STAP1: variants seen among roughly 807,000 people sequenced by gnomAD.
STAP1 encodes signal-transducing adaptor protein 1.
In STAP1, 30 loss-of-function variants were observed where a neutral mutation model predicts 37.8. That is an observed-to-expected ratio of 0.79 (90% CI 0.59 to 1.08). The LOEUF is 1.08. Among genes scored for constraint, STAP1 ranks in the 50% least tolerant of loss-of-function variants. The probability of loss-of-function intolerance (pLI) is 0.00; values close to 1 mark genes in which losing one functional copy is unlikely to be tolerated. For missense variants in STAP1, 357 were observed against 349.4 expected (o/e 1.02, Z -0.17); for synonymous variants, 130 against 116.0 (o/e 1.12, Z -0.78).
chr4:67,594,240 G>C (rs1728178257), intron 8 of STAP1, among the ~76,000 whole-genome samples: 1 of 152,014 alleles, frequency 6.6e-6, no homozygotes. Flanking sequence ...TCTGCATTGG[G>C]GCATATCTGG....
chr4:67,558,839 C>G lies in STAP1; in HGVS notation c.30C>G (p.Ala10=). 1 of 1,613,396 alleles carries G rather than the reference C, an allele frequency of 6.2e-7. No homozygotes were observed. The stretch of plus-strand genomic sequence containing the variant: ...TGGCTAAGAAGCCCCCAAAACCAGC[C>G]CCTCGCAGGATCTTCCAGGAAAGGT... MMAKKPPKP[A]PRRIFQERLK... Residue 10 remains alanine, a synonymous_variant, in exon 1 of 9, where the codon GCC becomes GCG. Coordinates refer to ENST00000265404, the MANE Select transcript of STAP1 (RefSeq NM_012108.4).
At chr4:67,579,813 C>A (rs1387277721) in intron 4 of STAP1, among the ~76,000 whole-genome samples, 1 of 152,168 alleles carries the variant, frequency 6.6e-6, no homozygotes, top group Non-Finnish European at 1.5e-5. Flanking sequence ...TTAACATGAG[C>A]TTTGGTGGGA....
At chr4:67,561,478 T>C (rs1309679731) in intron 1 of STAP1, among the ~76,000 whole-genome samples, 1 of 152,196 alleles carries the variant, frequency 6.6e-6, no homozygotes, top group Non-Finnish European at 1.5e-5. Context: ...CTATTTTTTG[T>C]GGGGCACTTT....
At chr4:67,580,313 G>C (rs1727822926) in intron 4 of STAP1, among the ~76,000 whole-genome samples, 1 of 151,976 alleles carries the variant, frequency 6.6e-6, no homozygotes, top group African/African-American at 2.4e-5. Flanking sequence ...TGTTTTACTG[G>C]TTATTATCTT....
intron 1 of STAP1, among the ~76,000 whole-genome samples, chr4:67,566,762 G>A (rs915823559): frequency 1.9e-4 from 29 of 152,278 alleles, no homozygotes; most frequent in African/African-American, 6.7e-4. Flanking sequence ...TTGATGTCAG[G>A]TGTTAGAGAC....
At chr4:67,580,252 C>T (rs1469610676) in intron 4 of STAP1, among the ~76,000 whole-genome samples, 1 of 152,136 alleles carries the variant, frequency 6.6e-6, no homozygotes, top group Non-Finnish European at 1.5e-5. Flanking sequence ...ATATGTGTTT[C>T]ATTAGGTATT....
At chr4:67,595,241 G>T (rs1728198257) in intron 8 of STAP1, among the ~76,000 whole-genome samples, 1 of 151,816 alleles carries the variant, frequency 6.6e-6, no homozygotes, top group African/African-American at 2.4e-5. Context: ...AATTGTTCCA[G>T]CCCCATTTGT....
intron 8 of STAP1, among the ~76,000 whole-genome samples, chr4:67,604,250 G>A (rs1406750421): frequency 1.3e-5 from 2 of 152,206 alleles, no homozygotes; most frequent in Non-Finnish European, 1.5e-5. Context: ...GGAGATGGGG[G>A]AAGAGACCAG....
chr4:67,594,835 ATT>A (rs1388340220), intron 8 of STAP1, among the ~76,000 whole-genome samples: 5 of 152,208 alleles, frequency 3.3e-5, no homozygotes, highest in Non-Finnish European at 4.4e-5. Flanking sequence ...GCCATTATAT[ATT>A]TTATCTGGGA....
rs192833699 is a variant in STAP1, at chr4:67,569,532, A to G, written c.121-1552A>G. Among the ~76,000 whole-genome samples, 863 of 152,274 alleles carry G rather than the reference A, an allele frequency of 5.7e-3. 5 individuals are homozygous for G. Among genetic ancestry groups the G allele is most frequent in the Middle Eastern group, 0.034 (10 of 294 alleles). On this transcript the variant is annotated intron_variant, in intron 1 of 8. Transcript: ENST00000265404. Reference sequence around the variant, plus strand: ...TAACATTACCTTAAAACAAAAACACATTGTACAGCTCTGCAAAAATATTTT... The same window carrying G: ...TAACATTACCTTAAAACAAAAACACGTTGTACAGCTCTGCAAAAATATTTT...
intron 6 of STAP1, among the ~76,000 whole-genome samples, chr4:67,586,077 T>C (rs1727973293): frequency 6.6e-6 from 1 of 152,176 alleles, no homozygotes; most frequent in Non-Finnish European, 1.5e-5. Flanking sequence ...CTTGGTCAGA[T>C]TGAGTGGTTG....
Position 67,558,940 on chromosome 4 carries a change from A to T in STAP1, c.120+11A>T. ...CGGTCAGGATACCGGGTGAGTCTAT[A>T]GATGATAATGTTAAACCTAAGACTT... On this transcript the variant is annotated intron_variant, in intron 1 of 8. Coordinates refer to ENST00000265404, the MANE Select transcript of STAP1 (RefSeq NM_012108.4). The T allele has an allele frequency of 6.3e-7, 1 of 1,595,734 alleles. No homozygotes were observed. Among genetic ancestry groups the T allele is most frequent in the Non-Finnish European group, 8.5e-7 (1 of 1,171,162 alleles).
intron 8 of STAP1, among the ~76,000 whole-genome samples, chr4:67,594,458 G>C (rs1016759682): frequency 6.6e-6 from 1 of 151,522 alleles, no homozygotes; most frequent in Non-Finnish European, 1.5e-5. Flanking sequence ...GACCCCTTCA[G>C]CTTGTTTGTA....
chr4:67,567,083 T>C lies in STAP1; in HGVS notation c.121-4001T>C, dbSNP rs562092699. Among the ~76,000 whole-genome samples the C allele has an allele frequency of 6.6e-5, 10 of 152,294 alleles. No homozygotes were observed. In the South Asian group the frequency reaches 2.1e-3, roughly 32 times the overall value. On this transcript the variant is annotated intron_variant, in intron 1 of 8. Transcript: ENST00000265404. ...GTTATAGCAATAACACTTTACATCCTATATAAAAAGAAGGAAAGAAAAGAC... is the reference window on the plus strand; with the variant it reads ...GTTATAGCAATAACACTTTACATCCCATATAAAAAGAAGGAAAGAAAAGAC...
intron 1 of STAP1, among the ~76,000 whole-genome samples, chr4:67,563,291 A>G (rs2109852708): frequency 6.6e-6 from 1 of 152,352 alleles, no homozygotes; most frequent in Admixed American, 6.5e-5. Context: ...GGACTATATA[A>G]TAATGAATGC....
In STAP1 at chr4:67,587,792, C is replaced by G. The variant is rs1198551049; in HGVS notation, c.660-3092C>G. ...CTGGAGTTCAATGGCGCGATCTCAG[C>G]TCACCACAACTTCCACCTCCCAGGT... On this transcript the variant is annotated intron_variant, in intron 6 of 8. Transcript: ENST00000265404. Among the ~76,000 whole-genome samples, 3 of 148,924 alleles carry G rather than the reference C, an allele frequency of 2.0e-5. No individual in the cohort carries two copies. The East Asian group carries it at 5.9e-4, about 29-fold the overall frequency.
intron 1 of STAP1, among the ~76,000 whole-genome samples, chr4:67,570,401 T>A (rs1278264896): frequency 1.3e-5 from 2 of 152,198 alleles, no homozygotes; most frequent in African/African-American, 4.8e-5. Context: ...CGCCATTGTA[T>A]CTTATGGGAC....
chr4:67,576,685 T>A (rs1025721799), intron 3 of STAP1, among the ~76,000 whole-genome samples: 6 of 152,168 alleles, frequency 3.9e-5, no homozygotes, highest in African/African-American at 1.4e-4. Flanking sequence ...TGTAGAGACA[T>A]GGTTTCACCA....
intron 5 of STAP1, among the ~76,000 whole-genome samples, chr4:67,583,019 C>T (rs1727899707): frequency 6.6e-6 from 1 of 152,082 alleles, no homozygotes; most frequent in Non-Finnish European, 1.5e-5. Flanking sequence ...GATATAATCC[C>T]ATCATAATTC....
Sources: allele counts gnomAD v4.1 joint callset (sites outside exome capture counted in the v4.1 genomes callset), GRCh38; gene constraint gnomAD v4.1.1; transcripts MANE v1.5; gene names NCBI Gene and HGNC (gene_info 2026-07-23, HGNC 2026-07-21).